The following SDK1 variants were observed in gnomAD, a reference collection of about 807,000 sequenced individuals.
SDK1 encodes protein sidekick-1.
In SDK1, 157 loss-of-function variants were observed where a neutral mutation model predicts 245.5. That is an observed-to-expected ratio of 0.64 (90% confidence interval 0.56 to 0.73). The LOEUF (loss-of-function observed/expected upper bound fraction) is 0.73, where lower values mean the gene tolerates loss of function less well. Among genes scored for constraint, SDK1 ranks in the 30% least tolerant of loss-of-function variants. The pLI is 0.00. For synonymous variants in SDK1, 1,647 were observed against 1,278.5 expected (o/e 1.29, Z -6.15); for missense variants, 3,583 against 3,002.3 (o/e 1.19, Z -4.52).
In SDK1 at chr7:4,125,219, A is replaced by T. The variant is rs148640886; in HGVS notation, c.3824-2162A>T. On this transcript the variant is annotated intron_variant, in intron 25 of 44. Coordinates refer to ENST00000404826, the MANE Select transcript of SDK1 (RefSeq NM_152744.4). ...GATGGATGGATGGATGGATGGGTAG[A>T]TGGATAGATGGATGATGGATGGAGG... 6.6e-3 allele frequency among the ~76,000 whole-genome samples: 960 copies of T among 145,782 alleles called. 8 individuals are homozygous for T. Among genetic ancestry groups the T allele is most frequent in the African/African-American group, 0.024 (922 of 38,686 alleles).
At chr7:3,388,532 T>C (rs1781666449) in intron 1 of SDK1, among the ~76,000 whole-genome samples, 1 of 152,138 alleles carries the variant, frequency 6.6e-6, no homozygotes, top group Non-Finnish European at 1.5e-5. Flanking sequence ...TCCCAAAGAA[T>C]TGTTATTAAA....
chr7:3,982,713 G>A (rs577261215), intron 13 of SDK1, among the ~76,000 whole-genome samples: 1 of 152,212 alleles, frequency 6.6e-6, no homozygotes, highest in East Asian at 1.9e-4. Flanking sequence ...GGTGGCGGGT[G>A]CCTGTAGTCC....
At chr7:4,092,578 G>A (rs1035414677) in intron 22 of SDK1, among the ~76,000 whole-genome samples, 12 of 152,216 alleles carry the variant, frequency 7.9e-5, no homozygotes, top group Non-Finnish European at 1.0e-4. Flanking sequence ...GCCTCTCACA[G>A]CCTCTCACCC....
At chr7:3,646,078 C>T (rs913908205) in intron 4 of SDK1, among the ~76,000 whole-genome samples, 4 of 152,150 alleles carry the variant, frequency 2.6e-5, no homozygotes, top group Admixed American at 1.3e-4. Flanking sequence ...AGGCTGGTCT[C>T]GAACTCCTGA....
At chr7:4,095,875 C>T (rs1011931145) in intron 22 of SDK1, among the ~76,000 whole-genome samples, 7 of 152,156 alleles carry the variant, frequency 4.6e-5, no homozygotes, top group Non-Finnish European at 1.0e-4. Context: ...CGCCCAGCCT[C>T]GCTCATTTAC....
At chr7:3,878,466 A>C (rs1460547894) in intron 5 of SDK1, among the ~76,000 whole-genome samples, 4 of 152,188 alleles carry the variant, frequency 2.6e-5, no homozygotes, top group Non-Finnish European at 4.4e-5. Context: ...GCAGTGAGCC[A>C]AGATGGCACC....
chr7:3,761,202 A>AT (rs948954513), intron 4 of SDK1, among the ~76,000 whole-genome samples: 4 of 113,070 alleles, frequency 3.5e-5, no homozygotes, highest in Non-Finnish European at 5.7e-5. Context: ...AAGTTGACTG[A>AT]TTTTTTTCTA....
At position 3,577,039 on chromosome 7, in the gene SDK1, C is replaced by G. The variant is rs557695727; in HGVS notation, c.299-42041C>G. On this transcript the variant is annotated intron_variant, in intron 1 of 44. Transcript: ENST00000404826. The stretch of plus-strand genomic sequence containing the variant: ...CCCTTGTGGCCACCCCCTGACATGA[C>G]TCCTTATGCCCAATCCACCTTGCAA... Among the ~76,000 whole-genome samples, 15 of 152,080 alleles carry G rather than the reference C, an allele frequency of 9.9e-5. No individual in the cohort carries two copies. In the East Asian group the frequency reaches 2.9e-3, roughly 29 times the overall value.
intron 4 of SDK1, among the ~76,000 whole-genome samples, chr7:3,668,582 T>TGGG (rs1189036706): frequency 6.6e-6 from 1 of 152,122 alleles, no homozygotes; most frequent in Non-Finnish European, 1.5e-5. Flanking sequence ...GAGACCAGCC[T>TGGG]GGGCAAGAGA....
chr7:4,027,932 T>C (rs1038665498), intron 17 of SDK1, among the ~76,000 whole-genome samples: 1 of 146,748 alleles, frequency 6.8e-6, no homozygotes, highest in Middle Eastern at 3.2e-3. Flanking sequence ...AGGATCTAGA[T>C]AGAATAAAAG....
At position 3,438,398 on chromosome 7, in the gene SDK1, A is replaced by T. The variant is rs554674417; in HGVS notation, c.298+136514A>T. On this transcript the variant is annotated intron_variant, in intron 1 of 44. Coordinates refer to ENST00000404826, the MANE Select transcript of SDK1 (RefSeq NM_152744.4). ...AATAATTTCTTCTTTACAATGATGT[A>T]TTCTAGATTCTAACATTTACATATG... Among the ~76,000 whole-genome samples, 3 of 152,326 alleles carry T rather than the reference A, an allele frequency of 2.0e-5. No homozygotes were observed. The South Asian group carries it at 6.2e-4, about 32-fold the overall frequency.
At chr7:4,135,965 G>T (rs1584253787) in intron 28 of SDK1, among the ~76,000 whole-genome samples, 1 of 152,150 alleles carries the variant, frequency 6.6e-6, no homozygotes, top group East Asian at 1.9e-4. Flanking sequence ...GAGGCTTCTT[G>T]CCGACAAGAG....
At chr7:3,868,708 C>T (rs540905942) in intron 5 of SDK1, among the ~76,000 whole-genome samples, 5 of 152,148 alleles carry the variant, frequency 3.3e-5, no homozygotes, top group Non-Finnish European at 5.9e-5. Flanking sequence ...TGTACATATG[C>T]ACCTTTTATT....
chr7:4,009,043 T>A (rs1168588882), intron 14 of SDK1, among the ~76,000 whole-genome samples: 1 of 152,262 alleles, frequency 6.6e-6, no homozygotes, highest in Non-Finnish European at 1.5e-5. Context: ...TTTCTTCACA[T>A]CCTTCCCAAC....
chr7:3,727,373 G>T (rs1368131637), intron 4 of SDK1, among the ~76,000 whole-genome samples: 13 of 152,198 alleles, frequency 8.5e-5, no homozygotes, highest in Admixed American at 8.5e-4. Flanking sequence ...GAGAAAGTCT[G>T]ATGTTGGATT....
intron 1 of SDK1, among the ~76,000 whole-genome samples, chr7:3,321,128 A>G (rs1264279760): frequency 1.3e-5 from 2 of 152,254 alleles, no homozygotes; most frequent in Non-Finnish European, 2.9e-5. Context: ...GAAAACTACT[A>G]CATGTATTCA....
At chr7:3,808,038 A>G (rs1779294381) in intron 4 of SDK1, among the ~76,000 whole-genome samples, 1 of 152,186 alleles carries the variant, frequency 6.6e-6, no homozygotes, top group Non-Finnish European at 1.5e-5. Context: ...GTCACCAGCT[A>G]GGAAGTGTCA....
chr7:3,863,033 T>C (rs1440030538), intron 5 of SDK1, among the ~76,000 whole-genome samples: 1 of 152,162 alleles, frequency 6.6e-6, no homozygotes, highest in Non-Finnish European at 1.5e-5. Context: ...GCATCCCAGT[T>C]CCTAAGAGGC....
intron 4 of SDK1, among the ~76,000 whole-genome samples, chr7:3,772,463 A>T (rs925404974): frequency 2.6e-5 from 4 of 152,208 alleles, no homozygotes; most frequent in African/African-American, 9.6e-5. Flanking sequence ...AATAATTTTT[A>T]AAAATGCATT....
Sources: allele counts gnomAD v4.1 joint callset (sites outside exome capture counted in the v4.1 genomes callset), GRCh38; gene constraint gnomAD v4.1.1; transcripts MANE v1.5; gene names NCBI Gene and HGNC (gene_info 2026-07-23, HGNC 2026-07-21).